Variants in LRRIQ1 observed in about 807,000 individuals in gnomAD.
LRRIQ1 encodes the protein leucine rich repeats and IQ motif containing 1.
In LRRIQ1, 210 loss-of-function variants were observed where a neutral mutation model predicts 211.9. The ratio of observed to expected loss-of-function variants is 0.99; its 90% confidence interval spans 0.89 to 1.11. LRRIQ1 has a LOEUF of 1.11. Ranked by LOEUF, LRRIQ1 falls within the 50% of genes most tolerant of loss-of-function variation. The pLI is 0.00. For missense variants in LRRIQ1, 2,136 were observed against 1,939.5 expected (o/e 1.10, Z -1.90); for synonymous variants, 699 against 650.1 (o/e 1.08, Z -1.14).
At chr12:85,270,031 C>T in the LRRIQ1 span, among the ~76,000 whole-genome samples, 1 of 151,856 alleles carries the variant, frequency 6.6e-6, no homozygotes, top group Non-Finnish European at 1.5e-5. Context: ...TGATTAATCC[C>T]ATCATGAGGA....
At chr12:85,064,302 G>A (rs1882188597) in intron 8 of LRRIQ1, among the ~76,000 whole-genome samples, 1 of 151,810 alleles carries the variant, frequency 6.6e-6, no homozygotes, top group Non-Finnish European at 1.5e-5. Flanking sequence ...TCAGATGACT[G>A]TTTGCCATTT....
chr12:85,127,773 A>G, intron 17 of LRRIQ1, 59 bp from the exon 18 acceptor site: 2 of 1,448,692 alleles, frequency 1.4e-6, no homozygotes, highest in South Asian at 1.2e-5. Context: ...CCTTTTATCT[A>G]CAACTCTGTA....
chr12:85,211,830 A>G (rs1893851388), intron 24 of LRRIQ1, among the ~76,000 whole-genome samples: 2 of 152,194 alleles, frequency 1.3e-5, no homozygotes. Context: ...TTAATAATAT[A>G]TTTCTTTCCT....
chr12:85,073,175 A>G, intron 11 of LRRIQ1, 77 bp downstream of exon 11: 2 of 945,122 alleles, frequency 2.1e-6, no homozygotes, highest in South Asian at 3.7e-5. Flanking sequence ...GGATCTAGGC[A>G]GTCACCATCA....
chr12:85,069,815 G>A (rs1399886282), intron 10 of LRRIQ1, among the ~76,000 whole-genome samples: 1 of 152,038 alleles, frequency 6.6e-6, no homozygotes, highest in Non-Finnish European at 1.5e-5. Flanking sequence ...GTTTGTTGGA[G>A]TTCATTGTAG....
intron 24 of LRRIQ1, among the ~76,000 whole-genome samples, chr12:85,196,231 C>T (rs1182535187): frequency 2.0e-5 from 3 of 151,982 alleles, no homozygotes; most frequent in East Asian, 3.9e-4. Context: ...GAATCAATAT[C>T]GTGAAAATGG....
intron 6 of LRRIQ1, among the ~76,000 whole-genome samples, chr12:85,049,910 A>G (rs775326751): frequency 6.6e-6 from 1 of 152,128 alleles, no homozygotes; most frequent in African/African-American, 2.4e-5. Context: ...GTGAGATCAC[A>G]TTGTCTTGAT....
At chr12:85,238,883 C>T (rs946504628) in intron 26 of LRRIQ1, among the ~76,000 whole-genome samples, 1 of 152,068 alleles carries the variant, frequency 6.6e-6, no homozygotes, top group African/African-American at 2.4e-5. Context: ...AAGAAATCCT[C>T]ACAAACAGTT....
rs1176544778 is a variant in LRRIQ1 at position 85,217,466 on chromosome 12, GTATA to G, written c.4823-12029_4823-12026del. ...CCTTTAGATAGAGCAGGGACCTGAA[GTATA>G]TATATATATATATATATATATGTAT... On this transcript the variant is annotated intron_variant, in intron 24 of 26. Transcript: ENST00000393217. Among the ~76,000 whole-genome samples the G allele has an allele frequency of 1.3e-4, 9 of 67,026 alleles. No individual in the cohort carries two copies. In the East Asian group the frequency reaches 1.7e-3, roughly 13 times the overall value. 44.0% of individuals were successfully genotyped at this position (67,026 alleles called of 152,430 possible).
At chr12:85,231,299 A>T (rs1380635138) in intron 25 of LRRIQ1, among the ~76,000 whole-genome samples, 1 of 152,220 alleles carries the variant, frequency 6.6e-6, no homozygotes, top group African/African-American at 2.4e-5. Context: ...GTGAAAAATC[A>T]TATGGAAATG....
At chr12:85,182,686 T>C (rs1892040097) in intron 24 of LRRIQ1, among the ~76,000 whole-genome samples, 1 of 152,106 alleles carries the variant, frequency 6.6e-6, no homozygotes, top group Non-Finnish European at 1.5e-5. Flanking sequence ...AATTAATGGC[T>C]CTCCACCAGC....
intron 11 of LRRIQ1, among the ~76,000 whole-genome samples, chr12:85,075,405 A>G (rs1883534904): frequency 6.6e-6 from 1 of 152,096 alleles, no homozygotes; most frequent in African/African-American, 2.4e-5. Context: ...TACAGGAAGC[A>G]TGGTACTGAC....
intron 11 of LRRIQ1, among the ~76,000 whole-genome samples, chr12:85,085,051 C>T (rs1187875898): frequency 6.6e-6 from 1 of 151,998 alleles, no homozygotes; most frequent in Non-Finnish European, 1.5e-5. Context: ...AACATTTATT[C>T]TCAGACAATT....
intron 14 of LRRIQ1, among the ~76,000 whole-genome samples, chr12:85,105,939 G>A (rs762731594): frequency 6.6e-6 from 1 of 151,594 alleles, no homozygotes; most frequent in Non-Finnish European, 1.5e-5. Context: ...TAGGATTACA[G>A]GCATGCGCCA....
chr12:85,124,212 C>A lies in LRRIQ1; in HGVS notation c.3700C>A (p.His1234Asn). The change falls in exon 17 of 27, where the codon CAT becomes AAT. Residue 1234 changes from histidine (H) to asparagine (N), a missense_variant. By Grantham distance (68) the His-to-Asn change is moderately conservative. Coordinates refer to ENST00000393217, the MANE Select transcript of LRRIQ1 (RefSeq NM_001079910.2). ...AGATGAATCAGAAGCCCAGAAAAATCATTTGGCCCCTACAAACAGTGACAG... is the reference window on the plus strand; with the variant it reads ...AGATGAATCAGAAGCCCAGAAAAATAATTTGGCCCCTACAAACAGTGACAG... ...KKDESEAQKN[H>N]LAPTNSDSTL... 1.2e-6 allele frequency: 2 copies of A among 1,614,044 alleles called. No individual in the cohort carries two copies. Among genetic ancestry groups the A allele is most frequent in the Admixed American group, 1.7e-5 (1 of 60,018 alleles).
chr12:85,141,579 CT>C (rs34401786), intron 19 of LRRIQ1, among the ~76,000 whole-genome samples: 139 of 132,728 alleles, frequency 1.0e-3, no homozygotes, highest in South Asian at 1.6e-3. Context: ...CCTACAGCAG[CT>C]TTTTTTTTTT....
chr12:85,057,335 G>A lies in LRRIQ1; in HGVS notation c.2391+151G>A, dbSNP rs1353715381. The A allele has an allele frequency of 4.0e-5, 26 of 651,966 alleles. No homozygotes were observed. In the East Asian group the frequency reaches 8.2e-4, roughly 21 times the overall value. 40.4% of individuals were successfully genotyped at this position (651,966 alleles called of 1,614,324 possible). A position where few individuals can be genotyped will look rare whatever the true frequency, so the allele number is the denominator to read the frequency against. On this transcript the variant is annotated intron_variant, in intron 8 of 26. Transcript: ENST00000393217. ...GAATGAAATATTACCCCATTTGGGAGGGGATATATCTCAACAAATTGTTCG... is the reference window on the plus strand; with the variant it reads ...GAATGAAATATTACCCCATTTGGGAAGGGATATATCTCAACAAATTGTTCG...
chr12:85,207,952 A>G (rs1380538280), intron 24 of LRRIQ1, among the ~76,000 whole-genome samples: 2 of 151,888 alleles, frequency 1.3e-5, no homozygotes, highest in Admixed American at 6.6e-5. Context: ...TTTATCTTAA[A>G]TAATGCTTAA....
intron 17 of LRRIQ1, among the ~76,000 whole-genome samples, chr12:85,126,612 A>G (rs1028754157): frequency 6.6e-6 from 1 of 152,146 alleles, no homozygotes; most frequent in Non-Finnish European, 1.5e-5. Context: ...TTTTCAAAGT[A>G]CTGGAAATTC....
Sources: allele counts gnomAD v4.1 joint callset (sites outside exome capture counted in the v4.1 genomes callset), GRCh38; gene constraint gnomAD v4.1.1; transcripts MANE v1.5; gene names NCBI Gene and HGNC (gene_info 2026-07-23, HGNC 2026-07-21).